TENM3: variants seen among roughly 807,000 people sequenced by gnomAD.
TENM3 encodes teneurin-3.
In TENM3, 63 loss-of-function variants were observed where a neutral mutation model predicts 255.1. The observed-to-expected ratio is 0.25, with a 90% CI of 0.20 to 0.30. The LOEUF (loss-of-function observed/expected upper bound fraction) is 0.30, where lower values mean the gene tolerates loss of function less well. TENM3 is among the 10% of genes least tolerant of loss of function. The pLI is 1.00. For missense variants in TENM3, 2,929 were observed against 3,461.1 expected (o/e 0.85, Z 3.86); for synonymous variants, 1,306 against 1,322.3 (o/e 0.99, Z 0.27).
At chr4:182,361,258 A>T (rs561988316) in intron 3 of TENM3, among the ~76,000 whole-genome samples, 1 of 151,970 alleles carries the variant, frequency 6.6e-6, no homozygotes, top group Non-Finnish European at 1.5e-5. Context: ...CCTGAATCTG[A>T]ATGTTCCTGC....
intron 12 of TENM3, among the ~76,000 whole-genome samples, chr4:182,712,935 T>C (rs964463361): frequency 4.6e-5 from 7 of 152,240 alleles, no homozygotes; most frequent in Non-Finnish European, 1.0e-4. Flanking sequence ...ATTTCTCTCC[T>C]TGCTTCTGTC....
intron 4 of TENM3, among the ~76,000 whole-genome samples, chr4:182,617,555 T>G (rs1749653537): frequency 6.6e-6 from 1 of 152,144 alleles, no homozygotes; most frequent in Non-Finnish European, 1.5e-5. Flanking sequence ...AAAGTTATAT[T>G]TTGCTGGAAG....
the TENM3 span, among the ~76,000 whole-genome samples, chr4:182,061,163 T>C: frequency 6.6e-6 from 1 of 152,208 alleles, no homozygotes; most frequent in Non-Finnish European, 1.5e-5. Flanking sequence ...GTGTTGCTGT[T>C]GAATTTTGTC....
the TENM3 span, among the ~76,000 whole-genome samples, chr4:181,737,639 C>T: frequency 6.6e-6 from 1 of 151,846 alleles, no homozygotes. Flanking sequence ...ATGTTCTGTC[C>T]TCAGTCTATC....
At chr4:181,811,985 G>T in the TENM3 span, among the ~76,000 whole-genome samples, 2 of 152,176 alleles carry the variant, frequency 1.3e-5, no homozygotes, top group African/African-American at 4.8e-5. Flanking sequence ...GGCAAATATT[G>T]CCTTTTGATG....
At chr4:182,202,933 A>G (rs575895391) in intron 1 of TENM3, among the ~76,000 whole-genome samples, 1 of 152,124 alleles carries the variant, frequency 6.6e-6, no homozygotes, top group East Asian at 2.0e-4. Context: ...AAATGGGCTC[A>G]GGCCGGGTGC....
chr4:182,118,781 C>T, the TENM3 span, among the ~76,000 whole-genome samples: 1 of 152,120 alleles, frequency 6.6e-6, no homozygotes, highest in African/African-American at 2.4e-5. Flanking sequence ...GTCGAACCAG[C>T]CTTACATACC....
the TENM3 span, among the ~76,000 whole-genome samples, chr4:181,890,508 T>C: frequency 1.5e-5 from 2 of 133,906 alleles, no homozygotes; most frequent in Admixed American, 1.6e-4. Flanking sequence ...GCTTTATATA[T>C]AGGAATTATG....
Position 182,373,271 on chromosome 4 carries a change from T to C in TENM3, c.511+26342T>C, listed in dbSNP as rs1006292805. On this transcript the variant is annotated intron_variant, in intron 3 of 27. Coordinates refer to ENST00000511685, the MANE Select transcript of TENM3 (RefSeq NM_001080477.4). ...GAAAGCAAGCTGGCTGCAGCGTTCATGTGACCCCTATCTTCCTAGACAAGT... is the reference window on the plus strand; with the variant it reads ...GAAAGCAAGCTGGCTGCAGCGTTCACGTGACCCCTATCTTCCTAGACAAGT... 6.6e-5 allele frequency among the ~76,000 whole-genome samples: 10 copies of C among 152,318 alleles called. 1 individual carries two copies. The highest frequency in any genetic ancestry group is 4.6e-4 in the Admixed American group (7 of 15,300).
intron 2 of TENM3, among the ~76,000 whole-genome samples, chr4:182,327,042 G>C (rs1402517333): frequency 6.6e-6 from 1 of 152,148 alleles, no homozygotes; most frequent in Non-Finnish European, 1.5e-5. Flanking sequence ...GTAGGTGTAG[G>C]AGAGAAACGA....
intron 2 of TENM3, among the ~76,000 whole-genome samples, chr4:182,336,119 A>G (rs1412078448): frequency 6.6e-6 from 1 of 152,176 alleles, no homozygotes; most frequent in East Asian, 1.9e-4. Flanking sequence ...TCATTGGTAC[A>G]TTTGTTCAAA....
intron 1 of TENM3, among the ~76,000 whole-genome samples, chr4:182,307,949 G>C (rs1450065109): frequency 2.0e-5 from 3 of 152,226 alleles, no homozygotes; most frequent in Non-Finnish European, 2.9e-5. Flanking sequence ...GAACATTCTT[G>C]CCTGCACTCC....
At chr4:182,349,099 T>G (rs560796535) in intron 3 of TENM3, among the ~76,000 whole-genome samples, 1 of 152,184 alleles carries the variant, frequency 6.6e-6, no homozygotes, top group Non-Finnish European at 1.5e-5. Flanking sequence ...TGGCAGCATT[T>G]GTTGAGAGTA....
chr4:181,904,484 A>C, the TENM3 span, among the ~76,000 whole-genome samples: 1 of 152,226 alleles, frequency 6.6e-6, no homozygotes, highest in Non-Finnish European at 1.5e-5. Context: ...ATATGCCCAT[A>C]CTAATTAAAA....
At chr4:182,195,731 G>A (rs930042459) in intron 1 of TENM3, among the ~76,000 whole-genome samples, 1 of 152,110 alleles carries the variant, frequency 6.6e-6, no homozygotes, top group Non-Finnish European at 1.5e-5. Context: ...AAATTAATTT[G>A]TCAATATGCC....
chr4:181,510,854 T>A, the TENM3 span, among the ~76,000 whole-genome samples: 2 of 152,244 alleles, frequency 1.3e-5, no homozygotes, highest in Non-Finnish European at 2.9e-5. Flanking sequence ...ATGCTCCATG[T>A]TTCTTAAATT....
At chr4:181,895,285 T>C in the TENM3 span, among the ~76,000 whole-genome samples, 4 of 152,018 alleles carry the variant, frequency 2.6e-5, no homozygotes, top group South Asian at 2.1e-4. Flanking sequence ...AAAATTAGTA[T>C]TTTCGCAAAT....
intron 6 of TENM3, among the ~76,000 whole-genome samples, chr4:182,660,846 G>A (rs73869808): frequency 2.0e-3 from 306 of 152,320 alleles, no homozygotes; most frequent in African/African-American, 7.1e-3. Flanking sequence ...CAGAGCATGT[G>A]AATTCTAGGC....
intron 1 of TENM3, among the ~76,000 whole-genome samples, chr4:182,234,880 C>A (rs572177365): frequency 9.2e-5 from 14 of 152,236 alleles, no homozygotes; most frequent in African/African-American, 3.4e-4. Flanking sequence ...ACAGGAGAAG[C>A]TAACTTGCGG....
Sources: gnomAD v4.1 joint callset for allele counts (sites outside exome capture counted in the v4.1 genomes callset) on GRCh38, gnomAD v4.1.1 for gene constraint, MANE v1.5 for transcripts, NCBI Gene and HGNC (gene_info 2026-07-23, HGNC 2026-07-21) for gene names.